Variants in AKT3 observed in about 807,000 individuals in gnomAD.
AKT3 encodes AKT serine/threonine kinase 3.
AKT3 carries 15 observed loss-of-function variants against 65.3 expected under a neutral mutation model. That is an observed-to-expected ratio of 0.23 (90% confidence interval 0.15 to 0.35). The LOEUF (loss-of-function observed/expected upper bound fraction) is 0.35. Ranked by LOEUF, AKT3 falls within the 10% of genes least tolerant of loss-of-function variation. AKT3 has a pLI of 1.00. For synonymous variants in AKT3, 206 were observed against 183.8 expected, an observed-to-expected ratio of 1.12 and a Z score of -0.98; for missense variants, 243 against 576.5, an observed-to-expected ratio of 0.42 and a Z score of 5.92.
chr1:243,585,485 G>A (rs544216520), intron 8 of AKT3, among the ~76,000 whole-genome samples: 12 of 151,868 alleles, frequency 7.9e-5, no homozygotes, highest in South Asian at 6.2e-4. Context: ...ACCTGCCTTC[G>A]AACCATACTA....
intron 9 of AKT3, among the ~76,000 whole-genome samples, chr1:243,569,006 T>C (rs1358757522): frequency 6.6e-6 from 1 of 152,218 alleles, no homozygotes; most frequent in East Asian, 1.9e-4. Context: ...AGGGCTCCGA[T>C]GACTACTGCA....
intron 2 of AKT3, among the ~76,000 whole-genome samples, chr1:243,801,729 CA>C (rs1455795821): frequency 2.0e-5 from 3 of 152,174 alleles, no homozygotes; most frequent in Admixed American, 6.5e-5. Flanking sequence ...GGCAGTTTTG[CA>C]TATTTACCAA....
chr1:243,754,150 C>A (rs910754084), intron 2 of AKT3, among the ~76,000 whole-genome samples: 1 of 152,140 alleles, frequency 6.6e-6, no homozygotes, highest in African/African-American at 2.4e-5. Flanking sequence ...AAGTAAAAGA[C>A]CATGTCTTAA....
chr1:243,686,219 T>C (rs1418883573), intron 3 of AKT3, among the ~76,000 whole-genome samples: 1 of 152,178 alleles, frequency 6.6e-6, no homozygotes, highest in Non-Finnish European at 1.5e-5. Context: ...CCCATCAAGC[T>C]ACCATTGACT....
At chr1:243,790,044 T>C (rs1558812541) in intron 2 of AKT3, among the ~76,000 whole-genome samples, 1 of 152,166 alleles carries the variant, frequency 6.6e-6, no homozygotes, top group Non-Finnish European at 1.5e-5. Flanking sequence ...AGAATACAGA[T>C]TTACCATAAT....
In AKT3 at chr1:243,708,438, T is replaced by A. The variant is rs2148066538; in HGVS notation, c.47-12722A>T. Among the ~76,000 whole-genome samples the A allele has an allele frequency of 3.3e-5, 5 of 152,138 alleles. No homozygotes were observed. The South Asian group carries it at 1.0e-3, about 32-fold the overall frequency. ...AACACATAGAAATTTCAGAAAACAA[T>A]CTTTACCTATCATACTAATAAAAAC... On this transcript the variant is annotated intron_variant, in intron 2 of 13. Coordinates refer to ENST00000673466, the MANE Select transcript of AKT3 (RefSeq NM_005465.7).
intron 8 of AKT3, 71 bp downstream of exon 8, chr1:243,613,600 G>A (rs1226930221): frequency 2.5e-6 from 3 of 1,208,288 alleles, no homozygotes; most frequent in African/African-American, 1.5e-5. Context: ...ATTGTAACTT[G>A]TATTTTAAGT....
chr1:243,493,194 C>T (rs1666993401), intron 13 of AKT3, among the ~76,000 whole-genome samples: 1 of 63,710 alleles, frequency 1.6e-5, no homozygotes. Context: ...GAGGCAGGCC[C>T]TGGCTGGGGG....
intron 2 of AKT3, among the ~76,000 whole-genome samples, chr1:243,743,541 T>C (rs1163605861): frequency 1.3e-5 from 2 of 152,214 alleles, no homozygotes; most frequent in South Asian, 2.1e-4. Flanking sequence ...AATACAGAGA[T>C]AGACTGAATG....
chr1:243,576,777 T>C (rs990386073), intron 8 of AKT3, among the ~76,000 whole-genome samples: 1 of 152,042 alleles, frequency 6.6e-6, no homozygotes, highest in Admixed American at 6.6e-5. Flanking sequence ...GAAGAATCAA[T>C]ATTGGGAAAA....
At chr1:243,544,343 G>T (rs575804155) in intron 12 of AKT3, among the ~76,000 whole-genome samples, 1 of 152,016 alleles carries the variant, frequency 6.6e-6, no homozygotes, top group South Asian at 2.1e-4. Context: ...GAACAAGAAG[G>T]GTGGGTGCAG....
chr1:243,495,297 G>A (rs111549327), downstream of AKT3, among the ~76,000 whole-genome samples: 1,758 of 152,290 alleles, frequency 0.012, 11 homozygotes, highest in Non-Finnish European at 0.018. Flanking sequence ...CTTACGGAAC[G>A]TCCCACTTCA....
intron 6 of AKT3, among the ~76,000 whole-genome samples, chr1:243,634,190 A>G (rs917763954): frequency 1.3e-5 from 2 of 152,040 alleles, no homozygotes; most frequent in African/African-American, 4.8e-5. Context: ...ATCATATCAG[A>G]TATAATGTAA....
At chr1:243,820,407 G>T (rs984497635) in intron 2 of AKT3, among the ~76,000 whole-genome samples, 1 of 152,172 alleles carries the variant, frequency 6.6e-6, no homozygotes, top group Non-Finnish European at 1.5e-5. Flanking sequence ...TCCTCCAAAT[G>T]ATCACAACAT....
chr1:243,527,657 G>T (rs1331787872), intron 12 of AKT3, among the ~76,000 whole-genome samples: 1 of 152,072 alleles, frequency 6.6e-6, no homozygotes, highest in Non-Finnish European at 1.5e-5. Flanking sequence ...ACATGTGACA[G>T]TCACTGTCTT....
At chr1:243,741,169 A>C (rs1688131645) in intron 2 of AKT3, among the ~76,000 whole-genome samples, 1 of 152,214 alleles carries the variant, frequency 6.6e-6, no homozygotes, top group Non-Finnish European at 1.5e-5. Context: ...AAAGACTTTT[A>C]GTATTTTCAT....
intron 12 of AKT3, among the ~76,000 whole-genome samples, chr1:243,535,846 T>C (rs984078823): frequency 1.3e-5 from 2 of 152,204 alleles, no homozygotes; most frequent in Non-Finnish European, 2.9e-5. Context: ...ACCAACAGCA[T>C]GTAAGCATTC....
At chr1:243,652,708 T>C (rs1681452192) in intron 4 of AKT3, among the ~76,000 whole-genome samples, 1 of 130,838 alleles carries the variant, frequency 7.6e-6, no homozygotes, top group Non-Finnish European at 1.5e-5. Context: ...CCATCTCTCA[T>C]GCAAAGACAC....
intron 3 of AKT3, among the ~76,000 whole-genome samples, chr1:243,689,504 T>A (rs1348941642): frequency 3.0e-5 from 4 of 134,730 alleles, no homozygotes; most frequent in South Asian, 4.7e-4. Context: ...TTTTTTTTTT[T>A]AAAGAGACAG....
Sources: gnomAD v4.1 joint callset for allele counts (sites outside exome capture counted in the v4.1 genomes callset) on GRCh38, gnomAD v4.1.1 for gene constraint, MANE v1.5 for transcripts, NCBI Gene and HGNC (gene_info 2026-07-23, HGNC 2026-07-21) for gene names.